Variants in SAMD3 observed in about 807,000 individuals in gnomAD.
The protein encoded by SAMD3 is sterile alpha motif domain-containing protein 3.
In SAMD3, 63 loss-of-function variants were observed where a neutral mutation model predicts 58.5. The ratio of observed to expected loss-of-function variants is 1.08; its 90% CI spans 0.88 to 1.33. SAMD3 has a LOEUF of 1.33. SAMD3 is among the 40% of genes most tolerant of loss of function. The pLI, the probability that SAMD3 is intolerant of heterozygous loss-of-function variation, is 0.00. For synonymous variants in SAMD3, 220 were observed against 210.3 expected (o/e 1.05, Z -0.40); for missense variants, 604 against 608.4 (o/e 0.99, Z 0.08).
At chr6:130,150,144 C>A (rs946376889) in intron 9 of SAMD3, among the ~76,000 whole-genome samples, 1 of 152,012 alleles carries the variant, frequency 6.6e-6, no homozygotes, top group Non-Finnish European at 1.5e-5. Flanking sequence ...TATTTCATTT[C>A]TCTGCTGAGA....
chr6:130,328,488 G>C (rs142446944), intron 1 of SAMD3, among the ~76,000 whole-genome samples: 98 of 152,306 alleles, frequency 6.4e-4, no homozygotes, highest in African/African-American at 2.3e-3. Flanking sequence ...CCACCTAAAA[G>C]AGTAGGACTT....
At chr6:130,329,078 A>C (rs1353825958) in intron 1 of SAMD3, among the ~76,000 whole-genome samples, 1 of 151,260 alleles carries the variant, frequency 6.6e-6, no homozygotes, top group South Asian at 2.1e-4. Context: ...TCTATCACCT[A>C]TCTATTATCT....
chr6:130,167,471 T>C (rs999736011), intron 8 of SAMD3, among the ~76,000 whole-genome samples: 2 of 152,170 alleles, frequency 1.3e-5, no homozygotes, highest in African/African-American at 4.8e-5. Flanking sequence ...AATACTACTG[T>C]ATAAAGTACA....
At chr6:130,252,510 G>T (rs1007014088) in intron 2 of SAMD3, among the ~76,000 whole-genome samples, 3 of 152,250 alleles carry the variant, frequency 2.0e-5, no homozygotes, top group Admixed American at 1.3e-4. Flanking sequence ...TAGCTCACTG[G>T]GGGGTGAAAA....
chr6:130,275,913 C>A lies in SAMD3; in HGVS notation c.-188+37065G>T, dbSNP rs181123375. On this transcript the variant is annotated intron_variant, in intron 2 of 13. Coordinates refer to the SAMD3 transcript ENST00000368134. ...TGTGGTAGGCTGGATAATGGCCCTG[C>A]AAGGATGTTCACATTCTAATACCTA... 7.9e-5 allele frequency among the ~76,000 whole-genome samples: 12 copies of A among 152,188 alleles called. No individual in the cohort carries two copies. The East Asian group carries it at 1.7e-3, about 22-fold the overall frequency.
downstream of SAMD3, chr6:130,144,039 C>T (rs1184359266): frequency 6.5e-6 from 1 of 154,292 alleles, no homozygotes; most frequent in African/African-American, 2.4e-5. Context: ...TCTCCTGGGG[C>T]AAGGCAGATC....
At chr6:130,295,738 T>A (rs1775547897) in intron 2 of SAMD3, among the ~76,000 whole-genome samples, 1 of 152,166 alleles carries the variant, frequency 6.6e-6, no homozygotes, top group Non-Finnish European at 1.5e-5. Flanking sequence ...TATTGGGTAG[T>A]CAGTCATTCC....
intron 2 of SAMD3, among the ~76,000 whole-genome samples, chr6:130,307,368 G>A (rs1035586223): frequency 5.9e-5 from 9 of 152,292 alleles, no homozygotes; most frequent in Admixed American, 2.6e-4. Context: ...GAAAAATTAC[G>A]TAGCTAATCT....
At position 130,214,509 on chromosome 6, in the gene SAMD3, C is replaced by A. The variant is rs762308366; in HGVS notation, c.97G>T (p.Ala33Ser). 3.8e-6 allele frequency: 6 copies of A among 1,590,798 alleles called. No homozygotes were observed. The highest frequency in any genetic ancestry group is 1.4e-5 in the African/African-American group (1 of 73,702). ...CGATCATTAAGTGCAAGAAGAGCGG[C>A]CCCACTTACTTCTTCCTCTGGGAAA... is the stretch of plus-strand genomic sequence containing the variant. ...HRFQEEEVSGAALLALNDRMV... is the reference protein window; with the variant it reads ...HRFQEEEVSGSALLALNDRMV... Residue 33 changes from alanine to serine, a missense_variant, in exon 4 of 12, where the codon GCC becomes TCC. Physicochemically the swap from Ala to Ser is moderately conservative, Grantham distance 99 (BLOSUM62 1). Transcript: ENST00000439090.
intron 2 of SAMD3, among the ~76,000 whole-genome samples, chr6:130,293,378 G>A (rs577440868): frequency 1.3e-5 from 2 of 152,238 alleles, no homozygotes; most frequent in East Asian, 1.9e-4. Flanking sequence ...GACCCACAAT[G>A]TATCACAACA....
At chr6:130,299,892 T>C (rs1201125481) in intron 2 of SAMD3, among the ~76,000 whole-genome samples, 2 of 152,044 alleles carry the variant, frequency 1.3e-5, no homozygotes, top group Non-Finnish European at 1.5e-5. Context: ...ACATGAAACC[T>C]CCCAAGAGTG....
intron 5 of SAMD3, among the ~76,000 whole-genome samples, chr6:130,204,596 C>A (rs1206319306): frequency 1.1e-3 from 153 of 138,524 alleles, no homozygotes; most frequent in African/African-American, 1.6e-3. Flanking sequence ...GACCCTATCT[C>A]AAAAAAAGAA....
intron 2 of SAMD3, among the ~76,000 whole-genome samples, chr6:130,288,582 G>T (rs1352710053): frequency 2.6e-5 from 4 of 152,250 alleles, no homozygotes; most frequent in African/African-American, 9.6e-5. Context: ...ACAGGTGAAA[G>T]TTCGGCTTTG....
chr6:130,200,220 A>ATGTTG (rs1292299775), intron 5 of SAMD3, among the ~76,000 whole-genome samples: 4 of 152,006 alleles, frequency 2.6e-5, no homozygotes, highest in African/African-American at 7.2e-5. Flanking sequence ...GCACGTCAAC[A>ATGTTG]AGTCTCACAG....
rs1562399186 is a variant in SAMD3, at chr6:130,176,268, G to GA, written c.655-261_655-260insT. ...ATAAATCTTTTCCCAATGTCATATG[G>GA]TTATTGAGTAAATATATTGGTTCTT... On this transcript the variant is annotated intron_variant, in intron 7 of 11. Coordinates refer to ENST00000439090, the MANE Select transcript of SAMD3 (RefSeq NM_001017373.4). The GA allele has an allele frequency of 5.2e-5, 24 of 464,920 alleles. No individual in the cohort carries two copies. The Admixed American group carries it at 8.5e-4, about 16-fold the overall frequency. 28.8% of individuals were successfully genotyped at this position (464,920 alleles called of 1,614,324 possible).
chr6:130,234,970 C>T (rs1248150426), intron 2 of SAMD3, among the ~76,000 whole-genome samples: 1 of 152,086 alleles, frequency 6.6e-6, no homozygotes, highest in African/African-American at 2.4e-5. Flanking sequence ...AATAAATTAG[C>T]CAGGCATGGT....
chr6:130,334,034 T>G (rs1732693246), intron 1 of SAMD3, among the ~76,000 whole-genome samples: 1 of 152,204 alleles, frequency 6.6e-6, no homozygotes, highest in Non-Finnish European at 1.5e-5. Context: ...TCTTTCCTCC[T>G]CCCTCTGTTG....
chr6:130,252,547 G>T (rs1371056702), intron 2 of SAMD3, among the ~76,000 whole-genome samples: 1 of 152,140 alleles, frequency 6.6e-6, no homozygotes, highest in Admixed American at 6.5e-5. Flanking sequence ...GCCAAATCTT[G>T]CCCTCGTCTG....
chr6:130,258,021 T>C (rs904050809), intron 2 of SAMD3, among the ~76,000 whole-genome samples: 5 of 152,148 alleles, frequency 3.3e-5, no homozygotes, highest in African/African-American at 1.2e-4. Flanking sequence ...TTATTGTACA[T>C]CATATTGGAG....
Sources: allele counts gnomAD v4.1 joint callset (sites outside exome capture counted in the v4.1 genomes callset), GRCh38; gene constraint gnomAD v4.1.1; transcripts MANE v1.5; gene names NCBI Gene and HGNC (gene_info 2026-07-23, HGNC 2026-07-21).